The following RNASEH2B variants were observed in gnomAD, a reference collection of about 807,000 sequenced individuals.
The protein encoded by RNASEH2B is ribonuclease H2 subunit B.
In RNASEH2B, 36 loss-of-function variants were observed where a neutral mutation model predicts 45.0. That is an observed-to-expected ratio of 0.80 (90% CI 0.61 to 1.06). RNASEH2B has a LOEUF of 1.06. RNASEH2B is among the 50% of genes least tolerant of loss of function. The pLI is 0.00. For synonymous variants in RNASEH2B, 119 were observed against 125.7 expected (o/e 0.95, Z 0.35); for missense variants, 361 against 360.3 (o/e 1.00, Z -0.02).
intron 1 of RNASEH2B, among the ~76,000 whole-genome samples, chr13:50,917,234 A>G (rs893680963): frequency 3.3e-4 from 51 of 152,306 alleles, no homozygotes; most frequent in African/African-American, 1.1e-3. Context: ...GAAGAAGGAA[A>G]GGGTACAGGA....
At chr13:50,968,176 G>A (rs1018563231) in intron 9 of RNASEH2B, among the ~76,000 whole-genome samples, 3 of 152,004 alleles carry the variant, frequency 2.0e-5, no homozygotes, top group African/African-American at 7.3e-5. Context: ...AGTACTTTGG[G>A]AAGCTGAGGC....
intron 1 of RNASEH2B, chr13:50,913,275 C>A (rs897407191): frequency 9.2e-5 from 14 of 152,244 alleles, no homozygotes; most frequent in African/African-American, 2.9e-4. Context: ...CCCTCTTTTT[C>A]TGCCCTAAAA....
downstream of RNASEH2B, chr13:50,959,772 A>G (rs896092910): frequency 1.3e-5 from 2 of 154,242 alleles, no homozygotes; most frequent in African/African-American, 2.4e-5. Context: ...TTTATATTTA[A>G]TTACTTAAAT....
At position 50,927,617 on chromosome 13, in the gene RNASEH2B, G is replaced by A. The variant is rs1230800865; in HGVS notation, c.136+139G>A. The stretch of plus-strand genomic sequence containing the variant: ...CACCGTGAGGAGAAGAAAACAAGGT[G>A]ATGACATTACTAGTCTTCCCAGATA... On this transcript the variant is annotated intron_variant, in intron 2 of 10. Coordinates refer to ENST00000336617, the MANE Select transcript of RNASEH2B (RefSeq NM_024570.4). 13 of 680,394 alleles carry A rather than the reference G, an allele frequency of 1.9e-5. No homozygotes were observed. The East Asian group carries it at 3.3e-4, about 17-fold the overall frequency. The allele number at this position is 680,394 out of a possible 1,614,324, so 42.1% of individuals were successfully genotyped here.
chr13:50,956,049 T>G, intron 10 of RNASEH2B: 1 of 275,440 alleles, frequency 3.6e-6, no homozygotes, highest in Non-Finnish European at 7.0e-6. Flanking sequence ...GTCAGTTCCA[T>G]TGTTTGTGTT....
In RNASEH2B at chr13:50,909,846, G is replaced by A. The variant is rs1879229142; in HGVS notation, c.-231G>A. The A allele has an allele frequency of 4.9e-6, 2 of 410,030 alleles. No individual in the cohort carries two copies. The highest frequency in any genetic ancestry group is 7.8e-5 in the East Asian group (2 of 25,756). The allele number at this position is 410,030 out of a possible 1,614,324, so 25.4% of individuals were successfully genotyped here. A position where few individuals can be genotyped will look rare whatever the true frequency, so the allele number is the denominator to read the frequency against. ...CCCCTTCCCGTTGCCTGCGGCCACC[G>A]GCCGGCATTCAGAGCCCCTCGCCTG... On this transcript the variant is annotated 5_prime_UTR_variant, in exon 1 of 11. Transcript: ENST00000336617.
At chr13:50,947,911 A>G in intron 7 of RNASEH2B, 76 bp from the exon 8 acceptor site, 1 of 1,593,256 alleles carries the variant, frequency 6.3e-7, no homozygotes, top group Non-Finnish European at 8.5e-7. Flanking sequence ...ATTTGAATTC[A>G]GGTCAATTTG....
intron 1 of RNASEH2B, among the ~76,000 whole-genome samples, chr13:50,925,692 C>T (rs889153916): frequency 2.2e-4 from 33 of 152,156 alleles, no homozygotes; most frequent in African/African-American, 7.5e-4. Context: ...ACTGCTCCCT[C>T]GAATCTGTTT....
At chr13:50,914,477 T>C (rs1381647522) in intron 1 of RNASEH2B, among the ~76,000 whole-genome samples, 1 of 152,268 alleles carries the variant, frequency 6.6e-6, no homozygotes, top group Non-Finnish European at 1.5e-5. Context: ...AATAGTCTAC[T>C]GCAGGCAGTC....
rs751735556 is a variant in RNASEH2B, at chr13:50,956,537, G to T, written c.*63G>T. 37 of 1,547,154 alleles carry T rather than the reference G, an allele frequency of 2.4e-5. No individual in the cohort carries two copies. Among genetic ancestry groups the T allele is most frequent in the Admixed American group, 3.8e-5 (2 of 52,682 alleles). The stretch of plus-strand genomic sequence containing the variant: ...TTACATGTTTCAGTTTGTCCTTCCT[G>T]ACTGTTAATGACTACCTTTGGTTGG... On this transcript the variant is annotated 3_prime_UTR_variant, in exon 11 of 11. Transcript: ENST00000336617.
In RNASEH2B at chr13:50,910,103, C is replaced by T. The variant is rs1380402951; in HGVS notation, c.27C>T (p.Asp9=). 4 of 1,456,506 alleles carry T rather than the reference C, an allele frequency of 2.7e-6. No individual in the cohort carries two copies. Among genetic ancestry groups the T allele is most frequent in the Middle Eastern group, 2.3e-4 (1 of 4,318 alleles). 90.2% of individuals were successfully genotyped at this position (1,456,506 alleles called of 1,614,324 possible). ...TGGCCGCTGGCGTGGACTGCGGGGA[C>T]GGGGTTGGCGCCCGGCAGCACGTGT... MAAGVDCG[D]GVGARQHVFL... The change falls in exon 1 of 11, where the codon GAC becomes GAT. Residue 9 remains aspartate, a synonymous_variant. Transcript: ENST00000336617.
chr13:50,942,648 T>C (rs1310860975), intron 5 of RNASEH2B: 1 of 152,296 alleles, frequency 6.6e-6, no homozygotes, highest in Non-Finnish European at 1.5e-5. Flanking sequence ...ACACAAAATA[T>C]CTGAGACAGG....
At chr13:50,921,767 C>T (rs1264500788) in intron 1 of RNASEH2B, among the ~76,000 whole-genome samples, 1 of 152,164 alleles carries the variant, frequency 6.6e-6, no homozygotes, top group Non-Finnish European at 1.5e-5. Context: ...TTTTTCAGAA[C>T]CCCTGAGATT....
At position 50,910,031 on chromosome 13, in the gene RNASEH2B, A is replaced by C; in HGVS notation, c.-46A>C. On this transcript the variant is annotated 5_prime_UTR_variant, in exon 1 of 11. Transcript: ENST00000336617. The stretch of plus-strand genomic sequence containing the variant: ...CATTTTCGGCGGGGCTGGGAGACTG[A>C]GGCCCGCGGCGCTGAGCCTGCGGCG... 2.1e-6 allele frequency: 3 copies of C among 1,445,306 alleles called. No individual in the cohort carries two copies. The highest frequency in any genetic ancestry group is 2.6e-5 in the South Asian group (2 of 75,978). 89.5% of individuals were successfully genotyped at this position (1,445,306 alleles called of 1,614,324 possible).
intron 1 of RNASEH2B, among the ~76,000 whole-genome samples, chr13:50,925,612 C>T (rs1339155782): frequency 6.6e-6 from 1 of 152,110 alleles, no homozygotes; most frequent in East Asian, 1.9e-4. Context: ...GCCTAAAGCT[C>T]CATGAATTGT....
At chr13:50,919,391 C>T (rs1951488015) in intron 1 of RNASEH2B, among the ~76,000 whole-genome samples, 1 of 152,158 alleles carries the variant, frequency 6.6e-6, no homozygotes, top group South Asian at 2.1e-4. Flanking sequence ...TATAATGTCA[C>T]AGATATCTGG....
intron 1 of RNASEH2B, among the ~76,000 whole-genome samples, chr13:50,925,650 G>A (rs747255364): frequency 2.6e-4 from 39 of 152,146 alleles, no homozygotes; most frequent in Admixed American, 3.9e-4. Context: ...CTGGGAGTAG[G>A]CACAATTCAA....
intron 9 of RNASEH2B, among the ~76,000 whole-genome samples, chr13:50,969,522 CA>C (rs3042194): frequency 4.2e-3 from 426 of 100,536 alleles, no homozygotes; most frequent in African/African-American, 9.8e-3. Flanking sequence ...ACTGCCTCTA[CA>C]AAAAAAAAAA....
At chr13:50,914,234 G>T (rs748091534) in intron 1 of RNASEH2B, among the ~76,000 whole-genome samples, 28 of 152,210 alleles carry the variant, frequency 1.8e-4, no homozygotes, top group Non-Finnish European at 3.5e-4. Flanking sequence ...TTACCTAATG[G>T]CTCATGGTTA....
Sources: allele counts gnomAD v4.1 joint callset (sites outside exome capture counted in the v4.1 genomes callset), GRCh38; gene constraint gnomAD v4.1.1; transcripts MANE v1.5; gene names NCBI Gene and HGNC (gene_info 2026-07-23, HGNC 2026-07-21).